The following SRBD1 variants were observed in gnomAD, a reference collection of about 807,000 sequenced individuals.
SRBD1 encodes S1 RNA-binding domain-containing protein 1.
Under a neutral mutation model 115.3 loss-of-function variants are expected in SRBD1, and 88 were observed. The ratio of observed to expected loss-of-function variants is 0.76; its 90% CI spans 0.64 to 0.91. The LOEUF (loss-of-function observed/expected upper bound fraction) is 0.91, where lower values mean the gene tolerates loss of function less well. SRBD1 is among the 40% of genes least tolerant of loss of function. The pLI, the probability that SRBD1 is intolerant of heterozygous loss-of-function variation, is 0.00. For missense variants in SRBD1, 1,385 were observed against 1,177.4 expected (o/e 1.18, Z -2.58); for synonymous variants, 509 against 407.7 (o/e 1.25, Z -2.99).
At chr2:45,514,943 T>C (rs1671075430) in intron 14 of SRBD1, among the ~76,000 whole-genome samples, 1 of 152,212 alleles carries the variant, frequency 6.6e-6, no homozygotes, top group Non-Finnish European at 1.5e-5. Flanking sequence ...ACAGACCATA[T>C]TCTTGATCAA....
At chr2:45,580,511 ATT>A (rs1227093467) in intron 6 of SRBD1, among the ~76,000 whole-genome samples, 35 of 85,772 alleles carry the variant, frequency 4.1e-4, no homozygotes, top group African/African-American at 1.3e-3. Context: ...ACGTCCAGCT[ATT>A]TTTTTTTTTT....
chr2:45,573,421 A>G (rs1381074916), intron 8 of SRBD1, 79 bp from the exon 9 acceptor site: 5 of 1,483,972 alleles, frequency 3.4e-6, no homozygotes, highest in African/African-American at 1.4e-5. Context: ...AAATAAGGAT[A>G]GCAAAAAAAG....
At chr2:45,420,251 G>C (rs989218707) in intron 16 of SRBD1, among the ~76,000 whole-genome samples, 1 of 152,160 alleles carries the variant, frequency 6.6e-6, no homozygotes, top group Non-Finnish European at 1.5e-5. Flanking sequence ...TGGGGTCTAA[G>C]AATTTGCATT....
chr2:45,402,585 T>A (rs941596469), intron 19 of SRBD1, among the ~76,000 whole-genome samples: 5 of 152,224 alleles, frequency 3.3e-5, no homozygotes, highest in African/African-American at 1.2e-4. Flanking sequence ...GAAACTAGTA[T>A]TAGAATTCCT....
At chr2:45,413,358 T>C (rs1667663454) in intron 18 of SRBD1, 65 bp from the exon 19 acceptor site, 1 of 1,537,956 alleles carries the variant, frequency 6.5e-7, no homozygotes, top group Admixed American at 2.1e-5. Flanking sequence ...AGTCTTCAAA[T>C]TAAAATGTGC....
chr2:45,543,112 A>G (rs575335373), intron 14 of SRBD1, among the ~76,000 whole-genome samples: 81 of 152,370 alleles, frequency 5.3e-4, no homozygotes, highest in African/African-American at 1.9e-3. Flanking sequence ...ATTTTTCACG[A>G]ACATTTTCAA....
intron 9 of SRBD1, among the ~76,000 whole-genome samples, chr2:45,565,496 C>A (rs903157438): frequency 1.3e-5 from 2 of 152,058 alleles, no homozygotes; most frequent in African/African-American, 4.8e-5. Context: ...TGATCTTAGA[C>A]CTTAATACAA....
At chr2:45,578,700 G>A (rs1395028479) in intron 7 of SRBD1, among the ~76,000 whole-genome samples, 1 of 152,178 alleles carries the variant, frequency 6.6e-6, no homozygotes, top group Non-Finnish European at 1.5e-5. Flanking sequence ...CTGGAGGTGG[G>A]GGCGGGGTGG....
At chr2:45,542,795 C>T (rs1671988839) in intron 14 of SRBD1, among the ~76,000 whole-genome samples, 1 of 152,196 alleles carries the variant, frequency 6.6e-6, no homozygotes, top group African/African-American at 2.4e-5. Flanking sequence ...CTAGCAACAA[C>T]TCGAATATCC....
At chr2:45,517,368 G>C in intron 14 of SRBD1, among the ~76,000 whole-genome samples, 1 of 152,122 alleles carries the variant, frequency 6.6e-6, no homozygotes, top group Non-Finnish European at 1.5e-5. Flanking sequence ...TTTTACATAA[G>C]TGAGTTCATT....
intron 16 of SRBD1, among the ~76,000 whole-genome samples, chr2:45,462,957 C>T (rs1234194716): frequency 3.4e-5 from 5 of 147,996 alleles, no homozygotes; most frequent in African/African-American, 5.0e-5. Flanking sequence ...TCATTCTACA[C>T]GAATCCAGGA....
intron 19 of SRBD1, among the ~76,000 whole-genome samples, chr2:45,409,515 C>CAAAA (rs59849294): frequency 1.7e-4 from 20 of 117,916 alleles, no homozygotes; most frequent in African/African-American, 5.1e-4. Context: ...TTGCAATAGG[C>CAAAA]AAAAAAAAAA....
At chr2:45,515,808 T>C (rs1451791674) in intron 14 of SRBD1, among the ~76,000 whole-genome samples, 4 of 152,200 alleles carry the variant, frequency 2.6e-5, no homozygotes, top group Admixed American at 6.5e-5. Context: ...AATGTTGTAA[T>C]ATTTCTAAGT....
intron 19 of SRBD1, among the ~76,000 whole-genome samples, chr2:45,394,892 A>G (rs1667100710): frequency 1.3e-5 from 2 of 152,326 alleles, no homozygotes; most frequent in Admixed American, 1.3e-4. Flanking sequence ...CTTTCATCCA[A>G]ACTGGTGTCC....
At chr2:45,587,663 T>C (rs563264187) in intron 4 of SRBD1, among the ~76,000 whole-genome samples, 13 of 152,328 alleles carry the variant, frequency 8.5e-5, no homozygotes, top group Non-Finnish European at 1.3e-4. Context: ...CCAGAGACTA[T>C]AGAGGATATC....
intron 14 of SRBD1, among the ~76,000 whole-genome samples, chr2:45,536,356 T>C (rs1671762761): frequency 6.6e-6 from 1 of 151,940 alleles, no homozygotes; most frequent in African/African-American, 2.4e-5. Context: ...CTTGATAGAA[T>C]ACTTAAGCAA....
intron 7 of SRBD1, among the ~76,000 whole-genome samples, chr2:45,576,788 C>G (rs1673191981): frequency 6.6e-6 from 1 of 152,022 alleles, no homozygotes; most frequent in African/African-American, 2.4e-5. Context: ...GGTGATAACT[C>G]AATAGTAAAG....
At chr2:45,594,909 C>A (rs1017827636) in intron 4 of SRBD1, among the ~76,000 whole-genome samples, 2 of 152,198 alleles carry the variant, frequency 1.3e-5, no homozygotes, top group African/African-American at 4.8e-5. Context: ...AATCCTTATA[C>A]AAAAAGACTG....
rs1166001372 is a variant in SRBD1 at position 45,462,599 on chromosome 2, AAG to A, written c.2049+14392_2049+14393del. On this transcript the variant is annotated intron_variant, in intron 16 of 20. Transcript: ENST00000263736. ...ACATCAGCAGAGTTAAAAGTACACT[AAG>A]AGGAGATCGAAACCATCCTGGCCAA... 2.0e-5 allele frequency among the ~76,000 whole-genome samples: 3 copies of A among 151,938 alleles called. No homozygotes were observed. In the East Asian group the frequency reaches 5.8e-4, roughly 29 times the overall value.
Sources: allele counts gnomAD v4.1 joint callset (sites outside exome capture counted in the v4.1 genomes callset), GRCh38; gene constraint gnomAD v4.1.1; transcripts MANE v1.5; gene names NCBI Gene and HGNC (gene_info 2026-07-23, HGNC 2026-07-21).